The following ZNF804B variants were observed in gnomAD, a reference collection of about 807,000 sequenced individuals.
The protein encoded by ZNF804B is zinc finger 804B.
A neutral mutation model predicts 101.4 loss-of-function variants in ZNF804B; 80 were observed. The observed-to-expected ratio is 0.79, with a 90% CI of 0.66 to 0.95. The LOEUF is 0.95. Ranked by LOEUF, ZNF804B falls within the 40% of genes least tolerant of loss-of-function variation. The pLI is 0.00. For synonymous variants in ZNF804B, 622 were observed against 558.8 expected (o/e 1.11, Z -1.59); for missense variants, 1,673 against 1,561.9 (o/e 1.07, Z -1.20).
chr7:88,876,128 T>A (rs929031418), intron 1 of ZNF804B, among the ~76,000 whole-genome samples: 1 of 152,156 alleles, frequency 6.6e-6, no homozygotes, highest in East Asian at 1.9e-4. Flanking sequence ...GCTAATGAAA[T>A]CATGTCCCCT....
chr7:88,802,973 A>C (rs1790613312), intron 1 of ZNF804B, among the ~76,000 whole-genome samples: 1 of 152,184 alleles, frequency 6.6e-6, no homozygotes. Context: ...GCAACTGTGC[A>C]TAATTTTAAA....
rs1793744762 is a variant in ZNF804B at position 88,985,366 on chromosome 7, A to G, written c.108+225282A>G. ...AATCAAATTTTGAAAACATAAATTTATTTTTATTTTAAAATTCAAGGCACT... is the reference window on the plus strand; with the variant it reads ...AATCAAATTTTGAAAACATAAATTTGTTTTTATTTTAAAATTCAAGGCACT... On this transcript the variant is annotated intron_variant, in intron 1 of 3. Transcript: ENST00000333190. Among the ~76,000 whole-genome samples, 4 of 152,036 alleles carry G rather than the reference A, an allele frequency of 2.6e-5. No individual in the cohort carries two copies. The South Asian group carries it at 8.3e-4, about 31-fold the overall frequency.
intron 1 of ZNF804B, among the ~76,000 whole-genome samples, chr7:89,053,968 A>G (rs1344089962): frequency 6.6e-6 from 1 of 152,014 alleles, no homozygotes; most frequent in Non-Finnish European, 1.5e-5. Flanking sequence ...CTCACTATTC[A>G]ATTACAGTAC....
At chr7:89,178,627 T>C (rs1183350834) in intron 1 of ZNF804B, among the ~76,000 whole-genome samples, 2 of 152,286 alleles carry the variant, frequency 1.3e-5, no homozygotes, top group Admixed American at 1.3e-4. Flanking sequence ...GTTTATATCT[T>C]GAAAAGTTGT....
At chr7:88,797,538 C>G (rs200641995) in intron 1 of ZNF804B, among the ~76,000 whole-genome samples, 1 of 152,250 alleles carries the variant, frequency 6.6e-6, no homozygotes, top group South Asian at 2.1e-4. Context: ...ATGGATTAAA[C>G]CAGAGAGAAC....
At chr7:88,922,195 A>T (rs1032618332) in intron 1 of ZNF804B, among the ~76,000 whole-genome samples, 8 of 152,078 alleles carry the variant, frequency 5.3e-5, no homozygotes, top group African/African-American at 1.9e-4. Context: ...ATGCAAAGTA[A>T]AGCATGAGAT....
chr7:89,327,287 T>C, intron 2 of ZNF804B, 57 bp from the exon 3 acceptor site: 1 of 1,483,516 alleles, frequency 6.7e-7, no homozygotes, highest in Non-Finnish European at 9.0e-7. Flanking sequence ...GCCTTGTGGA[T>C]GGAAAAGAAT....
chr7:89,198,197 T>C (rs1368336442), intron 1 of ZNF804B, among the ~76,000 whole-genome samples: 2 of 151,960 alleles, frequency 1.3e-5, no homozygotes, highest in Non-Finnish European at 2.9e-5. Context: ...GGATAGTTTA[T>C]GGAAATGCTA....
In ZNF804B at chr7:88,855,342, C is replaced by G. The variant is rs1020692634; in HGVS notation, c.108+95258C>G. The stretch of plus-strand genomic sequence containing the variant: ...CTCATTGTGGTTTTGATTTGCATTT[C>G]TCTGATGGCCAGTGATGATGAGCAT... On this transcript the variant is annotated intron_variant, in intron 1 of 3. Transcript: ENST00000333190. Among the ~76,000 whole-genome samples the G allele has an allele frequency of 2.8e-5, 4 of 143,938 alleles. No homozygotes were observed. The Admixed American group carries it at 3.0e-4, about 11-fold the overall frequency. 94.4% of individuals were successfully genotyped at this position (143,938 alleles called of 152,430 possible).
intron 1 of ZNF804B, among the ~76,000 whole-genome samples, chr7:88,773,606 T>C (rs1205014522): frequency 1.3e-5 from 2 of 152,188 alleles, no homozygotes; most frequent in African/African-American, 4.8e-5. Flanking sequence ...GTCATTCTTG[T>C]ATTGCTATAA....
intron 1 of ZNF804B, among the ~76,000 whole-genome samples, chr7:89,112,364 G>A (rs534405876): frequency 1.3e-5 from 2 of 152,218 alleles, no homozygotes; most frequent in East Asian, 3.9e-4. Context: ...TCTACCATTT[G>A]TTGAAAAGGC....
chr7:89,028,854 A>G (rs1057019292), intron 1 of ZNF804B, among the ~76,000 whole-genome samples: 3 of 152,180 alleles, frequency 2.0e-5, no homozygotes, highest in African/African-American at 7.2e-5. Context: ...TACCTGGAAC[A>G]ATTTAAGTGC....
chr7:89,141,296 C>T (rs1289298734), intron 1 of ZNF804B, among the ~76,000 whole-genome samples: 2 of 152,028 alleles, frequency 1.3e-5, no homozygotes, highest in Admixed American at 6.6e-5. Flanking sequence ...TGAGCGCATG[C>T]TTTTGGAGTA....
intron 1 of ZNF804B, among the ~76,000 whole-genome samples, chr7:88,888,256 G>C (rs868723684): frequency 1.3e-5 from 2 of 152,086 alleles, no homozygotes; most frequent in Non-Finnish European, 1.5e-5. Context: ...GCCAGGCGTG[G>C]TGGGGGGTGC....
intron 1 of ZNF804B, among the ~76,000 whole-genome samples, chr7:89,130,259 C>G (rs1234938029): frequency 6.6e-6 from 1 of 151,868 alleles, no homozygotes; most frequent in African/African-American, 2.4e-5. Context: ...GACTGTGGCC[C>G]ATTTGCCATC....
intron 2 of ZNF804B, among the ~76,000 whole-genome samples, chr7:89,237,299 C>G (rs1287049503): frequency 6.6e-6 from 1 of 151,998 alleles, no homozygotes; most frequent in African/African-American, 2.4e-5. Flanking sequence ...AGTGAAAAGG[C>G]CATGTTTTCA....
intron 1 of ZNF804B, among the ~76,000 whole-genome samples, chr7:88,791,075 T>G (rs956958648): frequency 3.9e-5 from 6 of 152,084 alleles, no homozygotes; most frequent in African/African-American, 1.2e-4. Context: ...TGAGAGTGAG[T>G]ATAAATTAAA....
At chr7:88,879,066 A>G (rs1287369599) in intron 1 of ZNF804B, among the ~76,000 whole-genome samples, 1 of 152,214 alleles carries the variant, frequency 6.6e-6, no homozygotes, top group African/African-American at 2.4e-5. Flanking sequence ...CGCGATACTC[A>G]GAAAACAGTA....
chr7:89,216,738 C>T (rs969989321), intron 1 of ZNF804B, among the ~76,000 whole-genome samples: 1 of 152,160 alleles, frequency 6.6e-6, no homozygotes, highest in African/African-American at 2.4e-5. Flanking sequence ...TACTTCACCC[C>T]ATTCTGAAAA....
Sources: allele counts gnomAD v4.1 joint callset (sites outside exome capture counted in the v4.1 genomes callset), GRCh38; gene constraint gnomAD v4.1.1; transcripts MANE v1.5; gene names NCBI Gene and HGNC (gene_info 2026-07-23, HGNC 2026-07-21).